The following ALMS1 variants were observed in gnomAD, a reference collection of about 807,000 sequenced individuals.
The protein encoded by ALMS1 is ALMS1 centrosome and basal body associated protein.
Under a neutral mutation model 352.2 loss-of-function variants are expected in ALMS1, and 271 were observed. The ratio of observed to expected loss-of-function variants is 0.77; its 90% CI spans 0.70 to 0.85. The LOEUF is 0.85. ALMS1 is among the 40% of genes least tolerant of loss of function. The pLI is 0.00. For synonymous variants in ALMS1, 1,865 were observed against 1,761.2 expected, an observed-to-expected ratio of 1.06 and a Z score of -1.48; for missense variants, 5,445 against 4,870.7, an observed-to-expected ratio of 1.12 and a Z score of -3.51.
In ALMS1 at chr2:73,432,252, C is replaced by T. The variant is rs774631882; in HGVS notation, c.1393C>T (p.Pro465Ser). ...AGATCTCAGAATGTTGAGGATGTCT[C>T]CTGACACTGTGCCAAAGGCTCCTAA... ...SSDLRMLRMS[P>S]DTVPKAPKHL... Residue 465 changes from proline (P) to serine (S), a missense_variant, in exon 7 of 23, where the codon CCT becomes TCT. Transcript: ENST00000613296. The T allele has an allele frequency of 1.4e-5, 22 of 1,613,420 alleles. No individual in the cohort carries two copies. Among genetic ancestry groups the T allele is most frequent in the Non-Finnish European group, 1.9e-5 (22 of 1,179,642 alleles).
intron 13 of ALMS1, among the ~76,000 whole-genome samples, chr2:73,551,316 A>G (rs888641418): frequency 6.6e-6 from 1 of 151,924 alleles, no homozygotes; most frequent in Non-Finnish European, 1.5e-5. Flanking sequence ...CCCTGCAGGC[A>G]GGACATCCAT....
intron 15 of ALMS1, among the ~76,000 whole-genome samples, chr2:73,562,088 C>T (rs1674675559): frequency 6.6e-6 from 1 of 151,942 alleles, no homozygotes. Flanking sequence ...CTGTTGTTGC[C>T]TCTAAAGAAG....
At chr2:73,553,916 G>A (rs1016485628) in intron 13 of ALMS1, among the ~76,000 whole-genome samples, 2 of 152,006 alleles carry the variant, frequency 1.3e-5, no homozygotes, top group African/African-American at 4.8e-5. Flanking sequence ...ATAATTTCTG[G>A]AACATAAAAT....
At chr2:73,570,299 A>C (rs957323217) in intron 15 of ALMS1, among the ~76,000 whole-genome samples, 5 of 152,346 alleles carry the variant, frequency 3.3e-5, no homozygotes, top group East Asian at 1.9e-4. Flanking sequence ...CTTGAAATGC[A>C]AATTTGAAAA....
intron 15 of ALMS1, among the ~76,000 whole-genome samples, chr2:73,560,217 G>T (rs148485330): frequency 6.6e-6 from 1 of 152,042 alleles, no homozygotes. Context: ...TTAAAAACAC[G>T]TAACTTATTT....
Position 73,451,349 on chromosome 2 carries a change from A to G in ALMS1, c.4822A>G (p.Thr1608Ala). Reference sequence around the variant, plus strand: ...TGTTTCTGGACCTACTGAAAAAAAGACTGACATACCAGCAGGACCTTTAGG... The same window carrying G: ...TGTTTCTGGACCTACTGAAAAAAAGGCTGACATACCAGCAGGACCTTTAGG... ...SIVSGPTEKK[T>A]DIPAGPLGSS... The change falls in exon 8 of 23, where the codon ACT (threonine) becomes GCT (alanine). Residue 1608 changes from threonine (T) to alanine (A), a missense_variant. Physicochemically the swap from Thr to Ala is moderately conservative, Grantham distance 58. Coordinates refer to ENST00000613296, the MANE Select transcript of ALMS1 (RefSeq NM_001378454.1). 1 of 1,614,030 alleles carries G rather than the reference A, an allele frequency of 6.2e-7. No homozygotes were observed.
intron 5 of ALMS1, among the ~76,000 whole-genome samples, chr2:73,425,868 A>T (rs1671367418): frequency 6.6e-6 from 1 of 152,086 alleles, no homozygotes; most frequent in Non-Finnish European, 1.5e-5. Flanking sequence ...ATTTAAAATT[A>T]CCCCCTAATG....
At chr2:73,466,339 A>T (rs142800387) in intron 9 of ALMS1, among the ~76,000 whole-genome samples, 1 of 151,526 alleles carries the variant, frequency 6.6e-6, no homozygotes, top group Admixed American at 6.6e-5. Context: ...TTGTAGGGAC[A>T]TGGATGAAAC....
intron 12 of ALMS1, among the ~76,000 whole-genome samples, chr2:73,547,250 A>G (rs779993573): frequency 3.3e-5 from 5 of 152,202 alleles, no homozygotes; most frequent in Non-Finnish European, 5.9e-5. Flanking sequence ...TTTTCAACCT[A>G]TGATGGACTT....
In ALMS1 at chr2:73,404,546, G is replaced by A. The variant is rs561260893; in HGVS notation, c.325-4076G>A. 3.7e-4 allele frequency among the ~76,000 whole-genome samples: 56 copies of A among 151,948 alleles called. 1 individual carries two copies. The South Asian group carries it at 0.012, about 32-fold the overall frequency. On this transcript the variant is annotated intron_variant, in intron 1 of 22. Transcript: ENST00000613296. ...CGGTTTCATTTGAGATGATCATGTG[G>A]TTTTTGTCCTTCCATTAATGTGGTG...
At chr2:73,420,935 G>A (rs1379506300) in intron 3 of ALMS1, among the ~76,000 whole-genome samples, 1 of 152,172 alleles carries the variant, frequency 6.6e-6, no homozygotes, top group African/African-American at 2.4e-5. Flanking sequence ...AGGGATGCAA[G>A]CCAGTAACAG....
chr2:73,599,263 C>G, intron 16 of ALMS1, 138 bp from the exon 17 acceptor site: 2 of 1,106,652 alleles, frequency 1.8e-6, no homozygotes, highest in South Asian at 2.6e-5. Flanking sequence ...AGCAAGTTCA[C>G]AGTATCTCAA....
chr2:73,439,836 A>G (rs1572925414), intron 7 of ALMS1, among the ~76,000 whole-genome samples: 1 of 152,014 alleles, frequency 6.6e-6, no homozygotes, highest in Admixed American at 6.5e-5. Context: ...GTTTATTTAT[A>G]CAATTTATAC....
Position 73,559,150 on chromosome 2 carries a change from G to A in ALMS1, c.10384+8G>A. 6.2e-7 allele frequency: 1 copy of A among 1,612,002 alleles called. No homozygotes were observed. The highest frequency in any genetic ancestry group is 8.5e-7 in the Non-Finnish European group (1 of 1,178,892). On this transcript the variant is annotated splice_region_variant and intron_variant, in intron 15 of 22. Transcript: ENST00000613296. Reference sequence around the variant, plus strand: ...TACAGATCAATATTGAAGGTAATGGGATTGGGTTGTGTATGAGTGTGTGTG... The same window carrying A: ...TACAGATCAATATTGAAGGTAATGGAATTGGGTTGTGTATGAGTGTGTGTG...
chr2:73,415,200 T>C (rs1442554140), intron 2 of ALMS1, among the ~76,000 whole-genome samples: 1 of 152,088 alleles, frequency 6.6e-6, no homozygotes, highest in African/African-American at 2.4e-5. Flanking sequence ...TTTATATTGA[T>C]TTAAAAGGTA....
chr2:73,484,242 T>C (rs1325079097), intron 9 of ALMS1, among the ~76,000 whole-genome samples: 1 of 151,820 alleles, frequency 6.6e-6, no homozygotes, highest in Non-Finnish European at 1.5e-5. Flanking sequence ...TAGTGCTTCC[T>C]TCAGGAGCTC....
chr2:73,432,400 C>T, intron 7 of ALMS1, 109 bp downstream of exon 7: 2 of 739,898 alleles, frequency 2.7e-6, no homozygotes, highest in Admixed American at 2.2e-5. Context: ...AATAATTATA[C>T]TTCAGATTAG....
intron 15 of ALMS1, among the ~76,000 whole-genome samples, chr2:73,571,053 C>A (rs1290220586): frequency 6.6e-6 from 1 of 152,166 alleles, no homozygotes. Flanking sequence ...ATCTCAAGAA[C>A]CTGTAGAATC....
intron 11 of ALMS1, among the ~76,000 whole-genome samples, chr2:73,534,081 A>C (rs1020188800): frequency 6.6e-6 from 1 of 152,182 alleles, no homozygotes; most frequent in Non-Finnish European, 1.5e-5. Context: ...AATGTGAAGA[A>C]TAGGAAGTAA....
Sources: gnomAD v4.1 joint callset for allele counts (sites outside exome capture counted in the v4.1 genomes callset) on GRCh38, gnomAD v4.1.1 for gene constraint, MANE v1.5 for transcripts, NCBI Gene and HGNC (gene_info 2026-07-23, HGNC 2026-07-21) for gene names.